ERBB4: variants seen among roughly 807,000 people sequenced by gnomAD.
ERBB4 encodes receptor tyrosine-protein kinase erbB-4.
Under a neutral mutation model 158.0 loss-of-function variants are expected in ERBB4, and 42 were observed. That is an observed-to-expected ratio of 0.27 (90% confidence interval 0.21 to 0.34). The LOEUF is 0.34. Among genes scored for constraint, ERBB4 ranks in the 10% least tolerant of loss-of-function variants. The pLI is 1.00. For synonymous variants in ERBB4, 583 were observed against 558.7 expected, an observed-to-expected ratio of 1.04 and a Z score of -0.61; for missense variants, 1,333 against 1,624.1, an observed-to-expected ratio of 0.82 and a Z score of 3.08.
At chr2:211,472,507 A>C (rs2064851833) in intron 20 of ERBB4, among the ~76,000 whole-genome samples, 1 of 151,702 alleles carries the variant, frequency 6.6e-6, no homozygotes. Flanking sequence ...CAGATGTACT[A>C]ATGATAAGAT....
At chr2:211,785,616 C>T in intron 4 of ERBB4, among the ~76,000 whole-genome samples, 1 of 152,076 alleles carries the variant, frequency 6.6e-6, no homozygotes, top group East Asian at 1.9e-4. Flanking sequence ...TGATGAGGCC[C>T]AAGTTCAATC....
chr2:212,014,320 A>G (rs747753575), intron 2 of ERBB4, among the ~76,000 whole-genome samples: 26 of 152,362 alleles, frequency 1.7e-4, no homozygotes, highest in Non-Finnish European at 3.5e-4. Context: ...GGACAACTCC[A>G]TTGCAAACTC....
chr2:212,215,984 A>T (rs1264864260), intron 1 of ERBB4, among the ~76,000 whole-genome samples: 1 of 151,400 alleles, frequency 6.6e-6, no homozygotes, highest in Non-Finnish European at 1.5e-5. Flanking sequence ...GATGAACTTA[A>T]ATCAGTTTCT....
chr2:212,003,256 G>GGAAGGAAGGAAGGAAA (rs1553533251), intron 2 of ERBB4, among the ~76,000 whole-genome samples: 5 of 92,428 alleles, frequency 5.4e-5, no homozygotes, highest in Admixed American at 1.2e-4. Context: ...AAGGAAGGAA[G>GGAAGGAAGGAAGGAAA]GAAAGAGAGA....
intron 1 of ERBB4, among the ~76,000 whole-genome samples, chr2:212,511,978 C>T (rs1453255016): frequency 6.6e-6 from 1 of 152,152 alleles, no homozygotes; most frequent in Non-Finnish European, 1.5e-5. Flanking sequence ...CCCTGTGTTT[C>T]TCTTTTCATT....
chr2:211,896,870 C>A (rs1403225177), intron 3 of ERBB4, among the ~76,000 whole-genome samples: 1 of 151,918 alleles, frequency 6.6e-6, no homozygotes, highest in Non-Finnish European at 1.5e-5. Context: ...ACAATTTCAT[C>A]ATTATTTCCA....
intron 4 of ERBB4, among the ~76,000 whole-genome samples, chr2:211,769,721 C>A (rs144983625): frequency 6.6e-6 from 1 of 152,150 alleles, no homozygotes; most frequent in East Asian, 1.9e-4. Context: ...TCCAAGAGTC[C>A]AAAAGCTGAA....
chr2:212,432,882 A>T (rs182039735), intron 1 of ERBB4, among the ~76,000 whole-genome samples: 4 of 152,086 alleles, frequency 2.6e-5, no homozygotes, highest in African/African-American at 9.6e-5. Context: ...CGGTGAGGAT[A>T]GTAATGGCAG....
At chr2:212,025,270 A>T (rs2076747542) in intron 2 of ERBB4, among the ~76,000 whole-genome samples, 1 of 151,808 alleles carries the variant, frequency 6.6e-6, no homozygotes, top group Non-Finnish European at 1.5e-5. Flanking sequence ...AAGGCACTTG[A>T]AAGGTGTTAT....
chr2:212,447,895 T>C (rs2092386745), intron 1 of ERBB4, among the ~76,000 whole-genome samples: 1 of 152,080 alleles, frequency 6.6e-6, no homozygotes. Context: ...TATTCTCATA[T>C]GCTTAGCTGA....
At chr2:212,074,666 T>G (rs929446034) in intron 2 of ERBB4, among the ~76,000 whole-genome samples, 2 of 151,908 alleles carry the variant, frequency 1.3e-5, no homozygotes, top group African/African-American at 4.8e-5. Context: ...ACTTACAGTA[T>G]CACAGAGCAT....
intron 9 of ERBB4, among the ~76,000 whole-genome samples, chr2:211,707,004 C>G (rs1390644324): frequency 6.6e-6 from 1 of 152,120 alleles, no homozygotes; most frequent in Non-Finnish European, 1.5e-5. Context: ...AATATCAGCT[C>G]TGCAGTACAA....
chr2:211,839,347 T>C (rs1461378138), intron 3 of ERBB4, among the ~76,000 whole-genome samples: 3 of 143,334 alleles, frequency 2.1e-5, no homozygotes, highest in Non-Finnish European at 4.6e-5. Context: ...TCATGGAGAA[T>C]AGATATACAA....
intron 16 of ERBB4, among the ~76,000 whole-genome samples, chr2:211,635,181 G>A (rs983601258): frequency 2.6e-5 from 4 of 152,094 alleles, no homozygotes; most frequent in African/African-American, 7.2e-5. Flanking sequence ...TCAAGTCCAA[G>A]CTTAGACTAA....
chr2:212,175,788 ATTG>A (rs1017567079), intron 1 of ERBB4, among the ~76,000 whole-genome samples: 10 of 151,900 alleles, frequency 6.6e-5, no homozygotes, highest in African/African-American at 2.2e-4. Flanking sequence ...ACCATATTTC[ATTG>A]TTAAAGCCTT....
chr2:212,419,007 C>T (rs537024456), intron 1 of ERBB4, among the ~76,000 whole-genome samples: 96 of 151,862 alleles, frequency 6.3e-4, no homozygotes, highest in African/African-American at 2.1e-3. Context: ...TATTTTCATA[C>T]GTGTGAAAAG....
intron 1 of ERBB4, among the ~76,000 whole-genome samples, chr2:212,507,210 GAAAA>G (rs537942260): frequency 7.3e-6 from 1 of 137,730 alleles, no homozygotes; most frequent in East Asian, 2.1e-4. Flanking sequence ...CTATTGCTCA[GAAAA>G]AAAAAAAAAG....
At chr2:211,435,917 A>G (rs773525753) in intron 20 of ERBB4, among the ~76,000 whole-genome samples, 4 of 151,994 alleles carry the variant, frequency 2.6e-5, no homozygotes, top group Non-Finnish European at 5.9e-5. Flanking sequence ...TTAGGTGGAC[A>G]TGGAGAAATT....
intron 2 of ERBB4, among the ~76,000 whole-genome samples, chr2:212,007,070 A>ATGTAGTAATGAAAAAAT (rs2076276537): frequency 6.6e-6 from 1 of 152,060 alleles, no homozygotes; most frequent in African/African-American, 2.4e-5. Flanking sequence ...AATGATAATA[A>ATGTAGTAATGAAAAAAT]GTAGTAATCA....
Sources: allele counts gnomAD v4.1 joint callset (sites outside exome capture counted in the v4.1 genomes callset), GRCh38; gene constraint gnomAD v4.1.1; transcripts MANE v1.5; gene names NCBI Gene and HGNC (gene_info 2026-07-23, HGNC 2026-07-21).